The following IQSEC3 variants were observed in gnomAD, a reference collection of about 807,000 sequenced individuals.
The protein encoded by IQSEC3 is IQ motif and SEC7 domain-containing protein 3.
A neutral mutation model predicts 105.4 loss-of-function variants in IQSEC3; 50 were observed. The observed-to-expected ratio is 0.47, with a 90% CI of 0.38 to 0.60. The LOEUF is 0.60. Ranked by LOEUF, IQSEC3 falls within the 20% of genes least tolerant of loss-of-function variation. The pLI is 0.00. For missense variants in IQSEC3, 1,415 were observed against 1,630.0 expected (o/e 0.87, Z 2.27); for synonymous variants, 708 against 746.0 (o/e 0.95, Z 0.83).
At chr12:85,343 C>T (rs1488030954) in intron 1 of IQSEC3, among the ~76,000 whole-genome samples, 2 of 152,226 alleles carry the variant, frequency 1.3e-5, no homozygotes, top group East Asian at 3.9e-4. Flanking sequence ...TGCCAGGCAC[C>T]CATCTGCCAG....
Position 161,958 on chromosome 12 carries a change from C to T in IQSEC3, c.2476C>T (p.Leu826=), listed in dbSNP as rs1178992373. Residue 826 remains leucine, a synonymous_variant, in exon 8 of 14, where the codon CTG becomes TTG. Coordinates refer to ENST00000538872, the MANE Select transcript of IQSEC3 (RefSeq NM_001170738.2). ...VDDGADIPRE[L]VVGIYERIQQ... is the part of the protein sequence containing the mutation. ...CGATGGCGCTGACATCCCCAGGGAGCTGGTGGTAGGCATCTATGAGAGGAT... is the reference window on the plus strand; with the variant it reads ...CGATGGCGCTGACATCCCCAGGGAGTTGGTGGTAGGCATCTATGAGAGGAT... 3 of 1,612,912 alleles carry T rather than the reference C, an allele frequency of 1.9e-6. No individual in the cohort carries two copies. Among genetic ancestry groups the T allele is most frequent in the African/African-American group, 1.3e-5 (1 of 74,848 alleles).
rs782709463 is a variant in IQSEC3 at position 161,939 on chromosome 12, C to T, written c.2457C>T (p.Gly819=). The part of the protein sequence containing the change: ...FIRNLRGVDD[G]ADIPRELVVG... ...CCACGTTGTTAGGTGTGGACGATGGCGCTGACATCCCCAGGGAGCTGGTGG... is the reference window on the plus strand; with the variant it reads ...CCACGTTGTTAGGTGTGGACGATGGTGCTGACATCCCCAGGGAGCTGGTGG... Residue 819 remains glycine, a synonymous_variant, in exon 8 of 14, where the codon GGC becomes GGT. Transcript: ENST00000538872. 87 of 1,608,462 alleles carry T rather than the reference C, an allele frequency of 5.4e-5. No homozygotes were observed. In the East Asian group the frequency reaches 1.2e-3, roughly 22 times the overall value.
intron 7 of IQSEC3, among the ~76,000 whole-genome samples, chr12:159,011 T>C (rs1866795183): frequency 6.6e-6 from 1 of 152,198 alleles, no homozygotes; most frequent in East Asian, 1.9e-4. Context: ...CATTATAGAA[T>C]GTAAGGATTT....
chr12:74,306 G>A (rs1358868946), intron 1 of IQSEC3, among the ~76,000 whole-genome samples: 1 of 152,252 alleles, frequency 6.6e-6, no homozygotes, highest in Non-Finnish European at 1.5e-5. Context: ...CCTGATGTGT[G>A]GTTGTGGGTT....
intron 3 of IQSEC3, among the ~76,000 whole-genome samples, chr12:135,969 A>G (rs1302381791): frequency 6.6e-6 from 1 of 152,224 alleles, no homozygotes; most frequent in Admixed American, 6.5e-5. Flanking sequence ...AGAAATAAAC[A>G]GGTGCTACTT....
At chr12:148,948 A>G (rs1195563005) in intron 5 of IQSEC3, 1 of 152,020 alleles carries the variant, frequency 6.6e-6, no homozygotes, top group Non-Finnish European at 1.5e-5. Flanking sequence ...CTATCATTAA[A>G]AAAAAAAAAG....
intron 1 of IQSEC3, among the ~76,000 whole-genome samples, chr12:94,728 G>A (rs999194650): frequency 8.5e-5 from 13 of 152,358 alleles, no homozygotes; most frequent in Non-Finnish European, 8.8e-5. Flanking sequence ...CTGGACAGAC[G>A]AGTGGCTCCT....
chr12:109,422 C>T (rs1106983), intron 2 of IQSEC3, among the ~76,000 whole-genome samples: 2 of 152,130 alleles, frequency 1.3e-5, no homozygotes, highest in East Asian at 1.9e-4. Context: ...GCCTTACTGA[C>T]GGCTGCCCCT....
rs1939220436 is a variant in IQSEC3, at chr12:175,793, T to C, written c.*760T>C. 6.6e-6 allele frequency: 1 copy of C among 152,298 alleles called. No homozygotes were observed. Among genetic ancestry groups the C allele is most frequent in the African/African-American group, 2.4e-5 (1 of 41,460 alleles). The allele number at this position is 152,298 out of a possible 1,614,324, so 9.4% of individuals were successfully genotyped here. On this transcript the variant is annotated 3_prime_UTR_variant, in exon 14 of 14. Coordinates refer to ENST00000538872, the MANE Select transcript of IQSEC3 (RefSeq NM_001170738.2). The stretch of plus-strand genomic sequence containing the variant: ...ATCGCGAGGTCATGTATCTGCAAAA[T>C]GCACCTTTTTAAAGAGTGTCTTAGT...
intron 3 of IQSEC3, among the ~76,000 whole-genome samples, chr12:131,372 G>A (rs576770786): frequency 4.0e-4 from 61 of 152,198 alleles, no homozygotes; most frequent in South Asian, 6.2e-4. Flanking sequence ...CTACCCTCCC[G>A]CACCTCTCTC....
intron 1 of IQSEC3, among the ~76,000 whole-genome samples, chr12:70,380 G>A (rs1388401730): frequency 3.3e-5 from 5 of 152,282 alleles, no homozygotes; most frequent in Admixed American, 3.3e-4. Flanking sequence ...TGGTCTTGGA[G>A]GTCAGTCCAA....
At chr12:68,947 A>G (rs1386974753) in intron 1 of IQSEC3, among the ~76,000 whole-genome samples, 1 of 151,958 alleles carries the variant, frequency 6.6e-6, no homozygotes, top group Non-Finnish European at 1.5e-5. Flanking sequence ...CTCCCTCAAA[A>G]CCCCTTTGTA....
rs1338984804 is a variant in IQSEC3, at chr12:175,740, C to T, written c.*707C>T. ...CGGGAAGGGGAGCACTTTCGGCTTTCTATAGGTCAGTCCAGCAGGGCCACG... is the reference window on the plus strand; with the variant it reads ...CGGGAAGGGGAGCACTTTCGGCTTTTTATAGGTCAGTCCAGCAGGGCCACG... On this transcript the variant is annotated 3_prime_UTR_variant, in exon 14 of 14. Transcript: ENST00000538872. 6.6e-6 allele frequency: 1 copy of T among 152,278 alleles called. No individual in the cohort carries two copies. 9.4% of individuals were successfully genotyped at this position (152,278 alleles called of 1,614,324 possible).
chr12:156,916 C>T (rs1222561173), intron 5 of IQSEC3, 109 bp from the exon 6 acceptor site: 1 of 1,314,104 alleles, frequency 7.6e-7, no homozygotes, highest in East Asian at 3.0e-5. Flanking sequence ...GGGTGAGTAG[C>T]CTGAGGGGCC....
chr12:67,773 TA>T (rs1245243840), intron 1 of IQSEC3, among the ~76,000 whole-genome samples: 2 of 148,984 alleles, frequency 1.3e-5, no homozygotes, highest in African/African-American at 2.6e-5. Flanking sequence ...GATTAAACTG[TA>T]GAAAAGAGAA....
At chr12:161,369 G>A (rs1866883141) in intron 7 of IQSEC3, among the ~76,000 whole-genome samples, 1 of 152,076 alleles carries the variant, frequency 6.6e-6, no homozygotes, top group South Asian at 2.1e-4. Context: ...GTGGGACAGG[G>A]GTGTCCTCGC....
chr12:127,412 A>G (rs1026093107), intron 3 of IQSEC3, among the ~76,000 whole-genome samples: 1 of 152,152 alleles, frequency 6.6e-6, no homozygotes, highest in Non-Finnish European at 1.5e-5. Context: ...CCAGCTACTC[A>G]GGAGGCTGAG....
intron 1 of IQSEC3, among the ~76,000 whole-genome samples, chr12:70,921 C>A (rs141564466): frequency 6.6e-6 from 1 of 152,270 alleles, no homozygotes; most frequent in African/African-American, 2.4e-5. Context: ...CTTTCACATC[C>A]CTCCTCTGCC....
At chr12:167,922 C>T (rs1938758328) in intron 11 of IQSEC3, among the ~76,000 whole-genome samples, 1 of 152,178 alleles carries the variant, frequency 6.6e-6, no homozygotes, top group Admixed American at 6.5e-5. Context: ...CTAATTTCTC[C>T]AAAGCCAAGA....
Sources: gnomAD v4.1 joint callset for allele counts (sites outside exome capture counted in the v4.1 genomes callset) on GRCh38, gnomAD v4.1.1 for gene constraint, MANE v1.5 for transcripts, NCBI Gene and HGNC (gene_info 2026-07-23, HGNC 2026-07-21) for gene names.